Variants in SLIT3 observed in about 807,000 individuals in gnomAD.
SLIT3 encodes slit homolog 3 protein.
SLIT3 carries 68 observed loss-of-function variants against 184.0 expected under a neutral mutation model. The observed-to-expected ratio is 0.37, with a 90% CI of 0.30 to 0.45. The LOEUF is 0.45. Ranked by LOEUF, SLIT3 falls within the 20% of genes least tolerant of loss-of-function variation. The probability of loss-of-function intolerance (pLI) is 1.00; values close to 1 mark genes in which losing one functional copy is unlikely to be tolerated. For synonymous variants in SLIT3, 831 were observed against 828.6 expected, an observed-to-expected ratio of 1.00 and a Z score of -0.05; for missense variants, 1,707 against 2,026.0, an observed-to-expected ratio of 0.84 and a Z score of 3.02.
chr5:169,194,626 C>T (rs1033370591), intron 3 of SLIT3, among the ~76,000 whole-genome samples: 9 of 152,244 alleles, frequency 5.9e-5, no homozygotes, highest in African/African-American at 1.4e-4. Flanking sequence ...TTTTCATGGG[C>T]CCCTAACAGT....
In SLIT3 at chr5:168,677,729, G is replaced by A. The variant is rs1197989878; in HGVS notation, c.3687-4398C>T. On this transcript the variant is annotated intron_variant, in intron 32 of 35. Transcript: ENST00000519560. ...CTCCCAAAGTGTTGGGATTATAGGC[G>A]TGAGCCAGCGTGCCTGGCCCTACAC... Among the ~76,000 whole-genome samples, 4 of 152,212 alleles carry A rather than the reference G, an allele frequency of 2.6e-5. No individual in the cohort carries two copies. The South Asian group carries it at 6.2e-4, about 24-fold the overall frequency.
intron 18 of SLIT3, among the ~76,000 whole-genome samples, chr5:168,749,948 T>C (rs1754642877): frequency 6.6e-6 from 1 of 152,186 alleles, no homozygotes; most frequent in Non-Finnish European, 1.5e-5. Context: ...AACCCGTATC[T>C]TTACAGGTTG....
intron 3 of SLIT3, among the ~76,000 whole-genome samples, chr5:169,236,354 A>G (rs1765199520): frequency 6.6e-6 from 1 of 152,070 alleles, no homozygotes; most frequent in Non-Finnish European, 1.5e-5. Context: ...AAGACGCTTT[A>G]ATTCCTTTTT....
chr5:169,091,282 C>A (rs2113203076), intron 4 of SLIT3, among the ~76,000 whole-genome samples: 1 of 152,322 alleles, frequency 6.6e-6, no homozygotes, highest in African/African-American at 2.4e-5. Context: ...CAGCCCTTAC[C>A]TCCCAAGACC....
At chr5:168,987,851 G>A (rs1561591401) in intron 4 of SLIT3, among the ~76,000 whole-genome samples, 1 of 152,154 alleles carries the variant, frequency 6.6e-6, no homozygotes, top group Non-Finnish European at 1.5e-5. Context: ...CTTCTTTTTC[G>A]GTGTTAGGTA....
intron 6 of SLIT3, among the ~76,000 whole-genome samples, chr5:168,843,488 C>A (rs1484828528): frequency 1.3e-5 from 2 of 152,124 alleles, no homozygotes; most frequent in Admixed American, 6.5e-5. Context: ...TAGAATCGTA[C>A]CATGGGAATT....
chr5:169,032,642 T>C (rs1221186880), intron 4 of SLIT3, among the ~76,000 whole-genome samples: 1 of 149,266 alleles, frequency 6.7e-6, no homozygotes, highest in Non-Finnish European at 1.5e-5. Context: ...TGTGAAGTCA[T>C]GGAGTCGATC....
At chr5:168,788,807 C>T (rs542930375) in intron 11 of SLIT3, among the ~76,000 whole-genome samples, 1 of 152,112 alleles carries the variant, frequency 6.6e-6, no homozygotes, top group East Asian at 1.9e-4. Context: ...GGTACCCAGT[C>T]AATGCTCAGT....
intron 1 of SLIT3, among the ~76,000 whole-genome samples, chr5:169,296,846 AC>A (rs1767517021): frequency 6.6e-6 from 1 of 152,090 alleles, no homozygotes; most frequent in East Asian, 1.9e-4. Flanking sequence ...CAAGTGAAAA[AC>A]CAAAGATGTC....
intron 28 of SLIT3, among the ~76,000 whole-genome samples, chr5:168,694,132 C>T (rs1761984269): frequency 6.6e-6 from 1 of 152,098 alleles, no homozygotes; most frequent in Non-Finnish European, 1.5e-5. Context: ...AGCAGTGCAC[C>T]CTGGTCAACG....
chr5:168,997,944 C>T (rs1755570497), intron 4 of SLIT3, among the ~76,000 whole-genome samples: 1 of 152,072 alleles, frequency 6.6e-6, no homozygotes, highest in Non-Finnish European at 1.5e-5. Flanking sequence ...TAACCTTTCC[C>T]AGAATTTGAG....
intron 3 of SLIT3, among the ~76,000 whole-genome samples, chr5:169,221,513 G>A (rs1467368789): frequency 6.6e-6 from 1 of 152,180 alleles, no homozygotes; most frequent in African/African-American, 2.4e-5. Flanking sequence ...CCAAGACAAT[G>A]TTAGTCTACT....
chr5:169,098,632 A>G (rs1759881810), intron 4 of SLIT3, among the ~76,000 whole-genome samples: 1 of 152,192 alleles, frequency 6.6e-6, no homozygotes, highest in South Asian at 2.1e-4. Flanking sequence ...ACAAGAGCAA[A>G]AGTGGACGAA....
At chr5:168,975,149 G>A (rs2113337279) in intron 4 of SLIT3, among the ~76,000 whole-genome samples, 1 of 152,194 alleles carries the variant, frequency 6.6e-6, no homozygotes, top group African/African-American at 2.4e-5. Context: ...CCTATACCTG[G>A]CAGATGATGT....
chr5:168,753,827 T>C, intron 17 of SLIT3, 37 bp downstream of exon 17: 1 of 1,599,726 alleles, frequency 6.3e-7, no homozygotes, highest in Non-Finnish European at 8.5e-7. Context: ...CCCGTCTCCC[T>C]CTGGGTCTTG....
At chr5:169,237,021 G>A (rs956639120) in intron 3 of SLIT3, among the ~76,000 whole-genome samples, 1 of 152,064 alleles carries the variant, frequency 6.6e-6, no homozygotes, top group African/African-American at 2.4e-5. Context: ...CAGTATACGT[G>A]TACAGTGTCT....
chr5:169,279,254 T>C (rs1303652556), intron 1 of SLIT3, among the ~76,000 whole-genome samples: 2 of 151,840 alleles, frequency 1.3e-5, no homozygotes, highest in Non-Finnish European at 2.9e-5. Flanking sequence ...GAGTGAAGGG[T>C]GGTGAAGGAA....
intron 12 of SLIT3, 105 bp downstream of exon 12, chr5:168,785,802 G>C: frequency 2.5e-6 from 2 of 803,186 alleles, no homozygotes; most frequent in Non-Finnish European, 4.2e-6. Context: ...TTTCTCTTTT[G>C]TCTGCAGAAA....
intron 20 of SLIT3, among the ~76,000 whole-genome samples, chr5:168,742,998 G>A (rs1763683016): frequency 6.6e-6 from 1 of 152,180 alleles, no homozygotes; most frequent in East Asian, 1.9e-4. Context: ...TGAGCGTGGT[G>A]GCATGCGCCT....
Sources: allele counts gnomAD v4.1 joint callset (sites outside exome capture counted in the v4.1 genomes callset), GRCh38; gene constraint gnomAD v4.1.1; transcripts MANE v1.5; gene names NCBI Gene and HGNC (gene_info 2026-07-23, HGNC 2026-07-21).